Variants in CADM1 observed in about 807,000 individuals in gnomAD.
The protein encoded by CADM1 is TSLC-1.
Under a neutral mutation model 53.1 loss-of-function variants are expected in CADM1, and 15 were observed. The ratio of observed to expected loss-of-function variants is 0.28; its 90% confidence interval spans 0.19 to 0.44. CADM1 has a LOEUF of 0.44. Among genes scored for constraint, CADM1 ranks in the 20% least tolerant of loss-of-function variants. The probability of loss-of-function intolerance (pLI) is 1.00; values close to 1 mark genes in which losing one functional copy is unlikely to be tolerated. For missense variants in CADM1, 434 were observed against 611.3 expected (o/e 0.71, Z 3.06); for synonymous variants, 281 against 243.0 (o/e 1.16, Z -1.45).
At position 115,229,255 on chromosome 11, in the gene CADM1, T is replaced by C; in HGVS notation, c.579A>G (p.Glu193=). ...TCACAGTGTACATGTCTGACCACTC[T>C]TCCACCTCCGATTTGCCTGGGGAAC... ...NTELKGKSEV[E]EWSDMYTVTS... Residue 193 remains glutamate (E), a synonymous_variant, in exon 5 of 12, where the codon GAA becomes GAG. Transcript: ENST00000331581. 1.9e-6 allele frequency: 3 copies of C among 1,614,102 alleles called. No homozygotes were observed. Among genetic ancestry groups the C allele is most frequent in the Non-Finnish European group, 2.5e-6 (3 of 1,179,962 alleles).
rs1330785900 is a variant in CADM1, at chr11:115,379,008, G to A, written c.124+125263C>T. Among the ~76,000 whole-genome samples, 4 of 152,320 alleles carry A rather than the reference G, an allele frequency of 2.6e-5. No homozygotes were observed. The East Asian group carries it at 5.8e-4, about 22-fold the overall frequency. On this transcript the variant is annotated intron_variant, in intron 1 of 11. Transcript: ENST00000331581. ...TAGTAATTTAAAGAGGTTCCCAAAA[G>A]AGGAGATTTCACAATAAATGATAAA...
At chr11:115,464,602 T>C (rs2135379925) in intron 1 of CADM1, among the ~76,000 whole-genome samples, 1 of 152,310 alleles carries the variant, frequency 6.6e-6, no homozygotes, top group East Asian at 1.9e-4. Context: ...TCTGGCATGG[T>C]TTACAGAAAC....
Position 115,326,373 on chromosome 11 carries a change from G to T in CADM1, c.125-85953C>A, listed in dbSNP as rs188609627. On this transcript the variant is annotated intron_variant, in intron 1 of 11. Coordinates refer to ENST00000331581, the MANE Select transcript of CADM1 (RefSeq NM_001301043.2). ...GAACTTTTGAAGCATGTATGTATGT[G>T]TATGTGTGTCATTCAGGGCTTTTCC... 2.4e-3 allele frequency among the ~76,000 whole-genome samples: 363 copies of T among 152,248 alleles called. 3 individuals are homozygous for T. Among genetic ancestry groups the T allele is most frequent in the Non-Finnish European group, 3.5e-3 (238 of 68,022 alleles).
At position 115,175,951 on chromosome 11, in the gene CADM1, G is replaced by A. The variant is rs1939008177; in HGVS notation, c.*523C>T. 1.9e-6 allele frequency: 2 copies of A among 1,032,142 alleles called. No individual in the cohort carries two copies. Among genetic ancestry groups the A allele is most frequent in the Non-Finnish European group, 2.3e-6 (2 of 859,040 alleles). The allele number at this position is 1,032,142 out of a possible 1,614,324, so 63.9% of individuals were successfully genotyped here. A position where few individuals can be genotyped will look rare whatever the true frequency, so the allele number is the denominator to read the frequency against. ...TGAACTATGAAATCTAAGCTGTGCTGGTTCTCCTTTTATGAAACTGAATTT... is the reference window on the plus strand; with the variant it reads ...TGAACTATGAAATCTAAGCTGTGCTAGTTCTCCTTTTATGAAACTGAATTT... On this transcript the variant is annotated 3_prime_UTR_variant, in exon 12 of 12. Transcript: ENST00000331581.
intron 1 of CADM1, among the ~76,000 whole-genome samples, chr11:115,368,179 G>A (rs4451764): frequency 1 from 142,874 of 142,874 alleles, 71,437 homozygotes; most frequent in Non-Finnish European, 1. Context: ...AGATTGTTTG[G>A]GGGATAGCCG....
chr11:115,404,340 AAAAAAAATATATATATATAT>A (rs1947245885), intron 1 of CADM1, among the ~76,000 whole-genome samples: 1 of 46,396 alleles, frequency 2.2e-5, no homozygotes, highest in African/African-American at 7.0e-5. Context: ...AAAAAAAAAA[AAAAAAAATATATATATATAT>A]ATATATATAT....
At chr11:115,262,345 A>G (rs1331347817) in intron 1 of CADM1, among the ~76,000 whole-genome samples, 1 of 152,206 alleles carries the variant, frequency 6.6e-6, no homozygotes, top group Non-Finnish European at 1.5e-5. Flanking sequence ...ATCAACTTCA[A>G]AATGTAAGTC....
chr11:115,296,314 GC>G (rs1944077797), intron 1 of CADM1, among the ~76,000 whole-genome samples: 1 of 152,156 alleles, frequency 6.6e-6, no homozygotes, highest in South Asian at 2.1e-4. Flanking sequence ...GTAGTGCTAT[GC>G]CTTAAGTTTG....
chr11:115,396,850 C>CT lies in CADM1; in HGVS notation c.124+107420dup, dbSNP rs754644700. Reference sequence around the variant, plus strand: ...AAATTGCTTTCTGTATAAGCGTTCTCTTTTTTTTTTTTGAAGTTTGCCCCA... The same window carrying CT: ...AAATTGCTTTCTGTATAAGCGTTCTCTTTTTTTTTTTTTGAAGTTTGCCCCA... On this transcript the variant is annotated intron_variant, in intron 1 of 11. Transcript: ENST00000331581. 8.8e-3 allele frequency: 1,279 copies of CT among 145,882 alleles called. 12 individuals are homozygous for CT. Among genetic ancestry groups the CT allele is most frequent in the Middle Eastern group, 0.036 (10 of 276 alleles). The allele number at this position is 145,882 out of a possible 1,614,324, so 9.0% of individuals were successfully genotyped here. A position where few individuals can be genotyped will look rare whatever the true frequency, so the allele number is the denominator to read the frequency against.
chr11:115,212,535 G>A (rs974665995), intron 7 of CADM1, among the ~76,000 whole-genome samples: 7 of 152,192 alleles, frequency 4.6e-5, no homozygotes, highest in African/African-American at 1.4e-4. Context: ...GTATGTAGCT[G>A]TGTCTGCCTT....
At chr11:115,316,196 A>T (rs2135175594) in intron 1 of CADM1, among the ~76,000 whole-genome samples, 1 of 152,092 alleles carries the variant, frequency 6.6e-6, no homozygotes, top group East Asian at 1.9e-4. Context: ...GCTTTGGGGG[A>T]CTCACCCCTA....
At chr11:115,189,938 C>T (rs1428883451) in intron 10 of CADM1, among the ~76,000 whole-genome samples, 1 of 152,180 alleles carries the variant, frequency 6.6e-6, no homozygotes, top group Middle Eastern at 3.2e-3. Context: ...TTTGAAAAAT[C>T]GAGTAGTACT....
intron 1 of CADM1, among the ~76,000 whole-genome samples, chr11:115,280,761 G>T (rs1943565010): frequency 6.6e-6 from 1 of 152,214 alleles, no homozygotes; most frequent in Admixed American, 6.5e-5. Context: ...TGCTGACCAG[G>T]CTGGCAGACA....
chr11:115,297,717 G>A (rs1202716012), intron 1 of CADM1, among the ~76,000 whole-genome samples: 1 of 152,034 alleles, frequency 6.6e-6, no homozygotes, highest in African/African-American at 2.4e-5. Context: ...CATCCCTAAG[G>A]GCCAAGAACA....
At chr11:115,396,845 G>A (rs969713950) in intron 1 of CADM1, 11 of 151,822 alleles carry the variant, frequency 7.2e-5, no homozygotes, top group Non-Finnish European at 1.2e-4. Context: ...CTGTATAAGC[G>A]TTCTCTTTTT....
chr11:115,456,210 C>G (rs564515180), intron 1 of CADM1, among the ~76,000 whole-genome samples: 4 of 151,930 alleles, frequency 2.6e-5, no homozygotes, highest in African/African-American at 4.8e-5. Context: ...ACAGTAAGAA[C>G]TGGGTAGATG....
In CADM1 at chr11:115,484,750, A is replaced by T. The variant is rs577171335; in HGVS notation, c.124+19521T>A. Among the ~76,000 whole-genome samples the T allele has an allele frequency of 2.6e-5, 4 of 152,064 alleles. No individual in the cohort carries two copies. In the East Asian group the frequency reaches 7.8e-4, roughly 30 times the overall value. On this transcript the variant is annotated intron_variant, in intron 1 of 11. Coordinates refer to ENST00000331581, the MANE Select transcript of CADM1 (RefSeq NM_001301043.2). Reference sequence around the variant, plus strand: ...ATCACAAGGTCAGGAGATTGAGACCATCCTGGCTAACACGGTGAAACCCCA... The same window carrying T: ...ATCACAAGGTCAGGAGATTGAGACCTTCCTGGCTAACACGGTGAAACCCCA...
At chr11:115,428,778 TGC>T (rs533151651) in intron 1 of CADM1, among the ~76,000 whole-genome samples, 373 of 32,906 alleles carry the variant, frequency 0.011, 3 homozygotes, top group Admixed American at 0.032. Context: ...AGTGTGTGTG[TGC>T]GTGTGTGTGT....
At chr11:115,376,362 GT>G (rs1195504517) in intron 1 of CADM1, among the ~76,000 whole-genome samples, 1 of 151,994 alleles carries the variant, frequency 6.6e-6, no homozygotes, top group Non-Finnish European at 1.5e-5. Context: ...ATCTCCCTTG[GT>G]AGCATTTCAA....
Sources: gnomAD v4.1 joint callset for allele counts (sites outside exome capture counted in the v4.1 genomes callset) on GRCh38, gnomAD v4.1.1 for gene constraint, MANE v1.5 for transcripts, NCBI Gene and HGNC (gene_info 2026-07-23, HGNC 2026-07-21) for gene names.